Variants in TSPEAR observed in about 807,000 individuals in gnomAD.
The protein encoded by TSPEAR is thrombospondin type laminin G domain and EAR repeats.
Under a neutral mutation model 71.6 loss-of-function variants are expected in TSPEAR, and 69 were observed. That is an observed-to-expected ratio of 0.96 (90% CI 0.79 to 1.18). The LOEUF (loss-of-function observed/expected upper bound fraction) is 1.18, where lower values mean the gene tolerates loss of function less well. Among genes scored for constraint, TSPEAR ranks in the 50% most tolerant of loss-of-function variants. The probability of loss-of-function intolerance (pLI) is 0.00; values close to 1 mark genes in which losing one functional copy is unlikely to be tolerated. For missense variants in TSPEAR, 971 were observed against 894.9 expected (o/e 1.09, Z -1.09); for synonymous variants, 402 against 387.2 (o/e 1.04, Z -0.45).
chr21:44,650,420 C>CTGGGGCCACGTGACGAT (rs1555941197), intron 1 of TSPEAR, among the ~76,000 whole-genome samples: 54 of 149,544 alleles, frequency 3.6e-4, no homozygotes, highest in African/African-American at 1.3e-3. Context: ...CATGTGACGA[C>CTGGGGCCACGTGACGAT]GGCGGCAGAG....
At chr21:44,563,596 A>AC (rs397687013) in intron 2 of TSPEAR, among the ~76,000 whole-genome samples, 2 of 152,042 alleles carry the variant, frequency 1.3e-5, no homozygotes, top group Non-Finnish European at 2.9e-5. Flanking sequence ...GACAAAAAAA[A>AC]CCCATAAACC....
chr21:44,601,705 C>T (rs1555928899), intron 1 of TSPEAR: 9 of 1,611,896 alleles, frequency 5.6e-6, no homozygotes, highest in African/African-American at 1.3e-5. Flanking sequence ...CTGCTGTGGC[C>T]CCACCTCAAC....
chr21:44,601,709 C>T lies in TSPEAR; in HGVS notation c.83-33704G>A, dbSNP rs199509733. 1.2e-3 allele frequency: 1,983 copies of T among 1,611,868 alleles called. 13 individuals carry two copies. Among genetic ancestry groups the T allele is most frequent in the Non-Finnish European group, 1.3e-3 (1,508 of 1,178,652 alleles). On this transcript the variant is annotated intron_variant, in intron 1 of 11. Coordinates refer to ENST00000323084, the MANE Select transcript of TSPEAR (RefSeq NM_144991.3). ...TCCCGCCCGGCCTGCTGTGGCCCCA[C>T]CTCAACCCAGAAGTCCAGCTGCTGA...
chr21:44,548,855 T>G (rs587683544), intron 2 of TSPEAR, among the ~76,000 whole-genome samples: 45 of 152,302 alleles, frequency 3.0e-4, no homozygotes, highest in African/African-American at 9.9e-4. Flanking sequence ...CAATGCCACT[T>G]TTAGGAATTT....
In TSPEAR at chr21:44,528,501, C is replaced by G; in HGVS notation, c.873G>C (p.Arg291=). The change falls in exon 6 of 12, where the codon CGG becomes CGC. Residue 291 remains arginine, a synonymous_variant. Coordinates refer to ENST00000323084, the MANE Select transcript of TSPEAR (RefSeq NM_144991.3). ...TGCCAACACACAGATACAGGCCCTT[C>G]CGGCTGGCATCAAACCAGAACTGGG... ...EDAQFWFDAS[R]KGLYLCVGNE... is the part of the protein sequence containing the mutation. 6.2e-7 allele frequency: 1 copy of G among 1,614,168 alleles called. No individual in the cohort carries two copies. The highest frequency in any genetic ancestry group is 8.5e-7 in the Non-Finnish European group (1 of 1,180,032).
At chr21:44,553,216 G>A (rs772772107) in intron 2 of TSPEAR, among the ~76,000 whole-genome samples, 1 of 152,200 alleles carries the variant, frequency 6.6e-6, no homozygotes, top group African/African-American at 2.4e-5. Context: ...GGACAGACGC[G>A]GAAGCTTCAG....
intron 3 of TSPEAR, among the ~76,000 whole-genome samples, chr21:44,533,097 A>T (rs587729928): frequency 3.5e-4 from 54 of 152,286 alleles, no homozygotes; most frequent in Middle Eastern, 6.8e-3. Context: ...GATCGCCCTT[A>T]CCTTGTTCTA....
At chr21:44,601,016 A>T (rs781813292) in intron 1 of TSPEAR, 5 of 1,605,386 alleles carry the variant, frequency 3.1e-6, no homozygotes, top group South Asian at 2.2e-5. Flanking sequence ...TGCAGTGGGG[A>T]TTCTTCATGC....
At chr21:44,538,567 G>T (rs1226532287) in intron 2 of TSPEAR, among the ~76,000 whole-genome samples, 1 of 146,812 alleles carries the variant, frequency 6.8e-6, no homozygotes, top group African/African-American at 2.5e-5. Context: ...CTCTCCCCTC[G>T]CATTGCTGCT....
At chr21:44,638,717 G>A (rs1053033188) in intron 1 of TSPEAR, among the ~76,000 whole-genome samples, 14 of 151,790 alleles carry the variant, frequency 9.2e-5, no homozygotes, top group East Asian at 7.8e-4. Context: ...GTGGCCCCCC[G>A]GCCCATCTTA....
In TSPEAR at chr21:44,536,725, T is replaced by C. The variant is rs186300136; in HGVS notation, c.304-2802A>G. Among the ~76,000 whole-genome samples, 180 of 152,270 alleles carry C rather than the reference T, an allele frequency of 1.2e-3. 1 individual carries two copies. The highest frequency in any genetic ancestry group is 2.0e-3 in the Admixed American group (30 of 15,292). On this transcript the variant is annotated intron_variant, in intron 2 of 11. Coordinates refer to ENST00000323084, the MANE Select transcript of TSPEAR (RefSeq NM_144991.3). ...ACAATAGAAATGGGAGTTTTAAAGA[T>C]TGGAAATGAGAAGTTAAATTCTCCT...
intron 1 of TSPEAR, among the ~76,000 whole-genome samples, chr21:44,577,582 G>A (rs1978544758): frequency 6.6e-6 from 1 of 152,162 alleles, no homozygotes; most frequent in Non-Finnish European, 1.5e-5. Context: ...TATTGTGGGG[G>A]TGGCACCAAG....
chr21:44,550,886 G>C (rs2053408996), intron 2 of TSPEAR: 1 of 1,025,312 alleles, frequency 9.8e-7, no homozygotes, highest in Admixed American at 2.3e-5. Context: ...ACTTGCAGCA[G>C]ACAGGCTTGC....
intron 1 of TSPEAR, chr21:44,681,591 T>C: frequency 2.0e-6 from 1 of 488,002 alleles, no homozygotes; most frequent in Non-Finnish European, 3.6e-6. Flanking sequence ...TGGGGAAAGC[T>C]GGTTTATTTG....
At position 44,642,816 on chromosome 21, in the gene TSPEAR, TG is replaced by T. The variant is rs1413015054; in HGVS notation, c.82+68616del. Among the ~76,000 whole-genome samples, 1 of 151,852 alleles carries T rather than the reference TG, an allele frequency of 6.6e-6. No homozygotes were observed. Among genetic ancestry groups the T allele is most frequent in the African/African-American group, 2.4e-5 (1 of 41,290 alleles). The stretch of plus-strand genomic sequence containing the variant: ...GAGATTGTGCCACTGCACTCCAGCC[TG>T]GGCAACAGAGCGAGACTCTATCTCA... On this transcript the variant is annotated intron_variant, in intron 1 of 11. Transcript: ENST00000323084. The surrounding 1 kb of genome is among the most constrained non-coding windows in gnomAD (Gnocchi z 4.1).
chr21:44,536,233 G>A (rs1480429732), intron 2 of TSPEAR, among the ~76,000 whole-genome samples: 5 of 152,210 alleles, frequency 3.3e-5, no homozygotes, highest in African/African-American at 1.2e-4. Flanking sequence ...TCAGGCTGCT[G>A]CTCCTGCCAG....
At chr21:44,568,808 C>G (rs587624927) in intron 1 of TSPEAR, among the ~76,000 whole-genome samples, 1 of 152,248 alleles carries the variant, frequency 6.6e-6, no homozygotes, top group East Asian at 1.9e-4. Flanking sequence ...AGCAGGTGTT[C>G]CTGGAGCTGT....
chr21:44,560,720 TC>T (rs782719110), intron 2 of TSPEAR, among the ~76,000 whole-genome samples: 9 of 152,174 alleles, frequency 5.9e-5, no homozygotes, highest in Non-Finnish European at 1.2e-4. Flanking sequence ...AACAACCTGC[TC>T]CTGAATGACT....
intron 2 of TSPEAR, among the ~76,000 whole-genome samples, chr21:44,540,796 C>T (rs994987940): frequency 2.6e-5 from 4 of 152,200 alleles, no homozygotes; most frequent in African/African-American, 4.8e-5. Flanking sequence ...CCCCTCCCCA[C>T]GGCCTTCCCC....
Sources: allele counts gnomAD v4.1 joint callset (sites outside exome capture counted in the v4.1 genomes callset), GRCh38; gene constraint gnomAD v4.1.1; non-coding constraint Gnocchi (gnomAD v3.1); transcripts MANE v1.5; gene names NCBI Gene and HGNC (gene_info 2026-07-23, HGNC 2026-07-21).